The following FNDC3B variants were observed in gnomAD, a reference collection of about 807,000 sequenced individuals.
FNDC3B encodes the protein fibronectin type III domain-containing protein 3B.
In FNDC3B, 12 loss-of-function variants were observed where a neutral mutation model predicts 151.5. The observed-to-expected ratio is 0.08, with a 90% CI of 0.05 to 0.13. The LOEUF (loss-of-function observed/expected upper bound fraction) is 0.13, where lower values mean the gene tolerates loss of function less well. Among genes scored for constraint, FNDC3B ranks in the 10% least tolerant of loss-of-function variants. The pLI is 1.00. For missense variants in FNDC3B, 1,214 were observed against 1,505.3 expected (o/e 0.81, Z 3.20); for synonymous variants, 528 against 549.0 (o/e 0.96, Z 0.54).
chr3:172,321,969 A>G (rs987208851), intron 11 of FNDC3B, among the ~76,000 whole-genome samples: 1 of 152,232 alleles, frequency 6.6e-6, no homozygotes, highest in Admixed American at 6.5e-5. Flanking sequence ...GGAGGAATTT[A>G]TAAAAGTTTG....
chr3:172,141,259 C>T (rs1721616332), intron 3 of FNDC3B, among the ~76,000 whole-genome samples: 1 of 152,090 alleles, frequency 6.6e-6, no homozygotes, highest in East Asian at 1.9e-4. Flanking sequence ...GACTTGCTTT[C>T]ATAGGGTTGC....
intron 21 of FNDC3B, among the ~76,000 whole-genome samples, chr3:172,350,217 C>T (rs1379129864): frequency 1.3e-5 from 2 of 152,114 alleles, no homozygotes; most frequent in Non-Finnish European, 2.9e-5. Context: ...ACATATTAAC[C>T]GATTTAATCT....
intron 2 of FNDC3B, among the ~76,000 whole-genome samples, chr3:172,125,148 A>G (rs193296786): frequency 1.3e-3 from 205 of 152,296 alleles, no homozygotes; most frequent in Non-Finnish European, 2.4e-3. Context: ...TGTAAACTTT[A>G]TAGAGGCCAT....
At chr3:172,202,631 G>A (rs1560016238) in intron 3 of FNDC3B, among the ~76,000 whole-genome samples, 2 of 152,176 alleles carry the variant, frequency 1.3e-5, no homozygotes, top group Non-Finnish European at 2.9e-5. Flanking sequence ...CCCAAAGGAT[G>A]CAAGATTTGT....
intron 5 of FNDC3B, 74 bp from the exon 6 acceptor site, chr3:172,251,186 A>G: frequency 8.5e-7 from 1 of 1,179,412 alleles, no homozygotes. Context: ...CAGGAGCCAG[A>G]TCATTTGACC....
At chr3:172,284,110 A>G (rs1332533240) in intron 6 of FNDC3B, among the ~76,000 whole-genome samples, 1 of 152,194 alleles carries the variant, frequency 6.6e-6, no homozygotes, top group Non-Finnish European at 1.5e-5. Flanking sequence ...TCATTTATTT[A>G]GTCAAGAAGC....
chr3:172,240,136 G>A (rs886919889), intron 4 of FNDC3B, among the ~76,000 whole-genome samples: 1 of 152,120 alleles, frequency 6.6e-6, no homozygotes, highest in Non-Finnish European at 1.5e-5. Context: ...CTCCCAGAGT[G>A]CTGGGATTAC....
chr3:172,370,592 G>A (rs995319421), intron 23 of FNDC3B, among the ~76,000 whole-genome samples: 8 of 152,180 alleles, frequency 5.3e-5, no homozygotes, highest in East Asian at 1.9e-4. Context: ...CAGTTGAGCC[G>A]TAGAGAGTTA....
chr3:172,126,875 A>T (rs1720831807), intron 2 of FNDC3B: 2 of 316,620 alleles, frequency 6.3e-6, no homozygotes, highest in South Asian at 5.3e-5. Context: ...TTTCCAAGTA[A>T]TTCAAACCAT....
chr3:172,210,161 G>A (rs1725658736), intron 3 of FNDC3B, among the ~76,000 whole-genome samples: 1 of 152,134 alleles, frequency 6.6e-6, no homozygotes, highest in African/African-American at 2.4e-5. Context: ...AGGGCACAGG[G>A]TTCCCACCGG....
chr3:172,067,792 T>C (rs1381559837), intron 1 of FNDC3B, among the ~76,000 whole-genome samples: 1 of 152,246 alleles, frequency 6.6e-6, no homozygotes, highest in Non-Finnish European at 1.5e-5. Context: ...GGCTCTTTTG[T>C]AGACCTAGGG....
chr3:172,223,817 T>C (rs1329900045), intron 3 of FNDC3B, among the ~76,000 whole-genome samples: 3 of 152,264 alleles, frequency 2.0e-5, no homozygotes, highest in Non-Finnish European at 2.9e-5. Context: ...CAAAACTATC[T>C]ATAAAATTAT....
chr3:172,347,817 G>A (rs891894968), intron 21 of FNDC3B, among the ~76,000 whole-genome samples: 5 of 152,148 alleles, frequency 3.3e-5, no homozygotes, highest in African/African-American at 9.7e-5. Flanking sequence ...TTAGATTACA[G>A]GACCCCACCT....
intron 3 of FNDC3B, among the ~76,000 whole-genome samples, chr3:172,163,089 G>A (rs1222506257): frequency 6.6e-6 from 1 of 151,822 alleles, no homozygotes; most frequent in African/African-American, 2.4e-5. Flanking sequence ...CCTGGGCAAC[G>A]ACTCTGTCTA....
intron 23 of FNDC3B, among the ~76,000 whole-genome samples, chr3:172,366,527 A>G (rs1048592110): frequency 2.0e-5 from 3 of 152,222 alleles, no homozygotes; most frequent in African/African-American, 7.2e-5. Flanking sequence ...TCAACTTACA[A>G]TTATTGGAGT....
At chr3:172,396,735 G>A (rs1470663104) in intron 25 of FNDC3B, among the ~76,000 whole-genome samples, 1 of 152,128 alleles carries the variant, frequency 6.6e-6, no homozygotes, top group Admixed American at 6.5e-5. Flanking sequence ...CTCCTCATGC[G>A]GATCTAACAC....
intron 3 of FNDC3B, among the ~76,000 whole-genome samples, chr3:172,198,393 T>G (rs1025801391): frequency 6.6e-6 from 1 of 152,208 alleles, no homozygotes; most frequent in Non-Finnish European, 1.5e-5. Context: ...GTAATACACA[T>G]GCATAAAAAC....
intron 10 of FNDC3B, among the ~76,000 whole-genome samples, chr3:172,307,840 G>A (rs1241070486): frequency 6.6e-6 from 1 of 152,174 alleles, no homozygotes; most frequent in African/African-American, 2.4e-5. Context: ...CAAAGGGGTG[G>A]GAGGAGGGAA....
At chr3:172,152,702 A>G (rs1305993402) in intron 3 of FNDC3B, among the ~76,000 whole-genome samples, 3 of 151,804 alleles carry the variant, frequency 2.0e-5, no homozygotes, top group Non-Finnish European at 4.4e-5. Context: ...AAGTTTCTGA[A>G]AAAAATCACA....
Sources: allele counts gnomAD v4.1 joint callset (sites outside exome capture counted in the v4.1 genomes callset), GRCh38; gene constraint gnomAD v4.1.1; transcripts MANE v1.5; gene names NCBI Gene and HGNC (gene_info 2026-07-23, HGNC 2026-07-21).